RAPGEF2: variants seen among roughly 807,000 people sequenced by gnomAD.
The protein encoded by RAPGEF2 is Rap guanine nucleotide exchange factor 2.
RAPGEF2 carries 54 observed loss-of-function variants against 186.7 expected under a neutral mutation model. The ratio of observed to expected loss-of-function variants is 0.29; its 90% CI spans 0.23 to 0.36. RAPGEF2 has a LOEUF of 0.36. RAPGEF2 is among the 10% of genes least tolerant of loss of function. The pLI is 1.00. For synonymous variants in RAPGEF2, 712 were observed against 705.9 expected (o/e 1.01, Z -0.14); for missense variants, 1,532 against 2,045.0 (o/e 0.75, Z 4.84).
chr4:159,340,056 T>G (rs1391415553), intron 19 of RAPGEF2, among the ~76,000 whole-genome samples: 1 of 152,234 alleles, frequency 6.6e-6, no homozygotes, highest in Non-Finnish European at 1.5e-5. Flanking sequence ...AATAAGTAAG[T>G]GCAAGTTGAA....
chr4:159,193,769 GTAGA>G (rs1748355819), intron 3 of RAPGEF2, among the ~76,000 whole-genome samples: 1 of 152,204 alleles, frequency 6.6e-6, no homozygotes, highest in Non-Finnish European at 1.5e-5. Flanking sequence ...AGAATATATA[GTAGA>G]TAAATATTGG....
intron 1 of RAPGEF2, among the ~76,000 whole-genome samples, chr4:159,118,648 C>T (rs1419294206): frequency 8.5e-5 from 13 of 152,050 alleles, no homozygotes; most frequent in South Asian, 4.2e-4. Context: ...TGCAATGGTG[C>T]GATCTCAGCT....
At chr4:159,113,901 C>T (rs1201493657) in intron 1 of RAPGEF2, among the ~76,000 whole-genome samples, 2 of 151,964 alleles carry the variant, frequency 1.3e-5, no homozygotes, top group African/African-American at 4.8e-5. Context: ...AAAGCACACA[C>T]ACACATAATA....
chr4:159,323,391 C>T, intron 10 of RAPGEF2, 68 bp from the exon 11 acceptor site: 2 of 1,294,922 alleles, frequency 1.5e-6, no homozygotes, highest in South Asian at 1.8e-5. Flanking sequence ...TTTTAGGGAC[C>T]ATACTGGCAC....
At chr4:159,304,295 G>T in intron 7 of RAPGEF2, 47 bp from the exon 8 acceptor site, 1 of 1,505,980 alleles carries the variant, frequency 6.6e-7, no homozygotes. Context: ...TCTTCTTGGA[G>T]TTCTTGATTC....
chr4:159,149,049 A>G (rs1424809397), intron 1 of RAPGEF2, among the ~76,000 whole-genome samples: 3 of 152,168 alleles, frequency 2.0e-5, no homozygotes, highest in African/African-American at 7.2e-5. Flanking sequence ...AGGGTAGGAT[A>G]TATGTTTCCC....
chr4:159,282,861 A>G (rs138176906), intron 7 of RAPGEF2, among the ~76,000 whole-genome samples: 4 of 152,320 alleles, frequency 2.6e-5, no homozygotes, highest in African/African-American at 9.6e-5. Context: ...GGGCTCATAA[A>G]TGCTGCGTTC....
intron 7 of RAPGEF2, chr4:159,267,803 T>G: frequency 2.0e-6 from 2 of 1,015,830 alleles, no homozygotes; most frequent in Non-Finnish European, 2.4e-6. Flanking sequence ...TTTTTTTTTT[T>G]TTTTCCTCTC....
chr4:159,351,661 G>A (rs887150743), intron 26 of RAPGEF2, among the ~76,000 whole-genome samples: 23 of 152,106 alleles, frequency 1.5e-4, no homozygotes, highest in Admixed American at 2.6e-4. Context: ...ACCAAGATAG[G>A]GCCGGGTGCA....
rs1729779759 is a variant in RAPGEF2, at chr4:159,343,055, C to G, written c.2995C>G (p.Gln999Glu). The change falls in exon 21 of 30, where the codon CAA (glutamine) becomes GAA (glutamate). Residue 999 changes from glutamine to glutamate, a missense_variant. Transcript: ENST00000691494. ...KLPNKYEKLFQDLQDLFDPSR... is the reference protein window; with the variant it reads ...KLPNKYEKLFEDLQDLFDPSR... ...TCCCAATAAATACGAAAAACTATTT[C>G]AAGATCTCCAAGACCTGTTTGATCC... is the stretch of plus-strand genomic sequence containing the variant. 3 of 1,613,952 alleles carry G rather than the reference C, an allele frequency of 1.9e-6. No individual in the cohort carries two copies. In the East Asian group the frequency reaches 6.7e-5, roughly 36 times the overall value.
intron 1 of RAPGEF2, among the ~76,000 whole-genome samples, chr4:159,177,007 G>A (rs763440440): frequency 2.6e-5 from 4 of 152,122 alleles, no homozygotes; most frequent in Non-Finnish European, 5.9e-5. Context: ...TTAAGTGGCT[G>A]TTTTCAAATT....
chr4:159,164,005 G>T lies in RAPGEF2; in HGVS notation c.70-22637G>T, dbSNP rs574059762. Among the ~76,000 whole-genome samples, 21 of 151,984 alleles carry T rather than the reference G, an allele frequency of 1.4e-4. No individual in the cohort carries two copies. In the South Asian group the frequency reaches 4.4e-3, roughly 32 times the overall value. On this transcript the variant is annotated intron_variant, in intron 1 of 29. Transcript: ENST00000691494. ...ATGATAACATGTATCAGTAGTACTG[G>T]TAGTTTTTTTTTTTTTTGAGACGGA... is the stretch of plus-strand genomic sequence containing the variant.
At chr4:159,192,412 A>G (rs1322670904) in intron 2 of RAPGEF2, among the ~76,000 whole-genome samples, 1 of 152,206 alleles carries the variant, frequency 6.6e-6, no homozygotes, top group Non-Finnish European at 1.5e-5. Context: ...TGGTAGCCCG[A>G]ATGACCAAAA....
intron 1 of RAPGEF2, among the ~76,000 whole-genome samples, chr4:159,157,548 G>A (rs1744260983): frequency 6.6e-6 from 1 of 152,164 alleles, no homozygotes; most frequent in South Asian, 2.1e-4. Context: ...GACTATGTCT[G>A]TTAGCCAAAA....
At chr4:159,318,340 A>C (rs186341235) in intron 9 of RAPGEF2, among the ~76,000 whole-genome samples, 60 of 152,304 alleles carry the variant, frequency 3.9e-4, no homozygotes, top group Admixed American at 1.2e-3. Context: ...GTTAAAATAG[A>C]CAACCTTTAT....
intron 13 of RAPGEF2, chr4:159,330,784 T>A: frequency 3.2e-6 from 1 of 313,706 alleles, no homozygotes; most frequent in Non-Finnish European, 5.8e-6. Flanking sequence ...GGGAGTGTGT[T>A]AAAACATAAA....
intron 7 of RAPGEF2, among the ~76,000 whole-genome samples, chr4:159,272,955 A>G (rs1050075734): frequency 2.0e-5 from 3 of 152,238 alleles, no homozygotes; most frequent in African/African-American, 4.8e-5. Context: ...AAAATGTGTT[A>G]TATTACCATG....
Position 159,103,451 on chromosome 4 carries a change from G to A in RAPGEF2, c.-712G>A. On this transcript the variant is annotated 5_prime_UTR_variant, in exon 1 of 30. Coordinates refer to ENST00000691494, the MANE Select transcript of RAPGEF2 (RefSeq NM_001394067.2). ...GAGCAGCAGAGGCGGCGGCGGCGGCGGCTGGGCGGCCCGAGGGGATGCAGC... is the reference window on the plus strand; with the variant it reads ...GAGCAGCAGAGGCGGCGGCGGCGGCAGCTGGGCGGCCCGAGGGGATGCAGC... 1 of 160,238 alleles carries A rather than the reference G, an allele frequency of 6.2e-6. No individual in the cohort carries two copies. Among genetic ancestry groups the A allele is most frequent in the Non-Finnish European group, 1.3e-5 (1 of 74,516 alleles). 9.9% of individuals were successfully genotyped at this position (160,238 alleles called of 1,614,324 possible).
At chr4:159,153,705 C>A (rs1743808681) in intron 1 of RAPGEF2, among the ~76,000 whole-genome samples, 1 of 152,058 alleles carries the variant, frequency 6.6e-6, no homozygotes, top group African/African-American at 2.4e-5. Context: ...CCTCCAGTTG[C>A]CCCCCAACAT....
Sources: gnomAD v4.1 joint callset for allele counts (sites outside exome capture counted in the v4.1 genomes callset) on GRCh38, gnomAD v4.1.1 for gene constraint, MANE v1.5 for transcripts, NCBI Gene and HGNC (gene_info 2026-07-23, HGNC 2026-07-21) for gene names.